The following RBPMS variants were observed in gnomAD, a reference collection of about 807,000 sequenced individuals.
RBPMS encodes the protein RNA binding protein, mRNA processing factor.
A neutral mutation model predicts 26.8 loss-of-function variants in RBPMS; 7 were observed. The observed-to-expected ratio is 0.26, with a 90% CI of 0.15 to 0.49. The LOEUF is 0.49. Among genes scored for constraint, RBPMS ranks in the 20% least tolerant of loss-of-function variants. The pLI is 0.98. For missense variants in RBPMS, 186 were observed against 250.0 expected, an observed-to-expected ratio of 0.74 and a Z score of 1.73; for synonymous variants, 96 against 93.3, an observed-to-expected ratio of 1.03 and a Z score of -0.17.
At chr8:30,453,832 TG>T (rs1321535248) in intron 1 of RBPMS, 1 of 152,212 alleles carries the variant, frequency 6.6e-6, no homozygotes, top group African/African-American at 2.4e-5. Flanking sequence ...GTTATTTGTA[TG>T]TTTTTTTAAA....
At chr8:30,408,714 C>T (rs985814940) in intron 1 of RBPMS, among the ~76,000 whole-genome samples, 5 of 152,160 alleles carry the variant, frequency 3.3e-5, no homozygotes, top group African/African-American at 1.2e-4. Flanking sequence ...AACTCTCTCA[C>T]CTCTTAAAAT....
intron 1 of RBPMS, among the ~76,000 whole-genome samples, chr8:30,430,930 T>C (rs1235344671): frequency 6.6e-6 from 1 of 152,202 alleles, no homozygotes; most frequent in African/African-American, 2.4e-5. Context: ...GGCCTTCTTA[T>C]TTGGTGAGGT....
chr8:30,558,625 A>T (rs973321487), intron 6 of RBPMS: 20 of 570,578 alleles, frequency 3.5e-5, no homozygotes, highest in African/African-American at 2.6e-4. Context: ...ATGAGAGCAG[A>T]GGAGTTGGTG....
intron 1 of RBPMS, among the ~76,000 whole-genome samples, chr8:30,455,674 G>C (rs891113158): frequency 6.6e-6 from 1 of 152,130 alleles, no homozygotes; most frequent in African/African-American, 2.4e-5. Flanking sequence ...TGGATCACGA[G>C]GTCAGGAGAT....
At position 30,571,280 on chromosome 8, in the gene RBPMS, TAGAA is replaced by T. The variant is rs1205257043; in HGVS notation, c.*758_*761del. The T allele has an allele frequency of 1.3e-5, 2 of 152,234 alleles. No homozygotes were observed. The highest frequency in any genetic ancestry group is 1.9e-4 in the East Asian group (1 of 5,198). The allele number at this position is 152,234 out of a possible 1,614,324, so 9.4% of individuals were successfully genotyped here. Reference sequence around the variant, plus strand: ...TGGTAAGAACTGCTGAGTGTGCCCTTAGAAAGCCCTAGTAGCTCCAGCTGTGACT... The same window carrying T: ...TGGTAAGAACTGCTGAGTGTGCCCTTAGCCCTAGTAGCTCCAGCTGTGACT... On this transcript the variant is annotated 3_prime_UTR_variant, in exon 9 of 9. Transcript: ENST00000397323.
intron 5 of RBPMS, among the ~76,000 whole-genome samples, chr8:30,530,265 C>A (rs550578945): frequency 6.2e-4 from 94 of 152,280 alleles, no homozygotes; most frequent in Non-Finnish European, 1.1e-3. Flanking sequence ...GGCATCACAC[C>A]ATGTTGCAGA....
chr8:30,520,257 C>A (rs1424618452), intron 5 of RBPMS, among the ~76,000 whole-genome samples: 1 of 152,176 alleles, frequency 6.6e-6, no homozygotes, highest in Non-Finnish European at 1.5e-5. Context: ...ATGCTTAATT[C>A]TTTTCCTTTC....
intron 1 of RBPMS, among the ~76,000 whole-genome samples, chr8:30,413,326 C>T (rs551828466): frequency 2.0e-5 from 3 of 152,286 alleles, no homozygotes; most frequent in African/African-American, 7.2e-5. Context: ...CCACCTTGGC[C>T]TCCCAAAGTT....
At chr8:30,457,457 A>G (rs1413822295) in intron 1 of RBPMS, among the ~76,000 whole-genome samples, 2 of 152,142 alleles carry the variant, frequency 1.3e-5, no homozygotes, top group African/African-American at 2.4e-5. Context: ...GTTTAGTGAT[A>G]TGCAATTTGT....
At chr8:30,429,725 G>A (rs1811725712) in intron 1 of RBPMS, among the ~76,000 whole-genome samples, 1 of 152,024 alleles carries the variant, frequency 6.6e-6, no homozygotes, top group South Asian at 2.1e-4. Context: ...TTCTAAGATA[G>A]CAGCCCAATA....
chr8:30,479,625 T>A (rs1818065362), intron 4 of RBPMS, among the ~76,000 whole-genome samples: 1 of 152,240 alleles, frequency 6.6e-6, no homozygotes, highest in Non-Finnish European at 1.5e-5. Context: ...CATCTGATGA[T>A]GTGGGTCTTA....
intron 7 of RBPMS, chr8:30,565,108 G>A (rs1827793621): frequency 6.6e-6 from 1 of 152,242 alleles, no homozygotes; most frequent in South Asian, 2.1e-4. Flanking sequence ...TAGGTTTCAT[G>A]TGCAAAGATG....
At position 30,496,389 on chromosome 8, in the gene RBPMS, C is replaced by G. The variant is rs564013483; in HGVS notation, c.247-7897C>G. On this transcript the variant is annotated intron_variant, in intron 4 of 8. Coordinates refer to ENST00000397323, the MANE Select transcript of RBPMS (RefSeq NM_001008710.3). The stretch of plus-strand genomic sequence containing the variant: ...TTCACCGTGTTAGCCAGGGTGGTCT[C>G]GATCTCCCAACCTCGTGATCTGCCC... 2.6e-5 allele frequency among the ~76,000 whole-genome samples: 4 copies of G among 152,128 alleles called. No homozygotes were observed. The South Asian group carries it at 6.2e-4, about 24-fold the overall frequency.
chr8:30,468,717 C>A (rs1382585554), intron 1 of RBPMS, among the ~76,000 whole-genome samples: 1 of 152,132 alleles, frequency 6.6e-6, no homozygotes, highest in East Asian at 1.9e-4. Flanking sequence ...CTCTAAAATG[C>A]CCATAGAAAG....
chr8:30,464,018 G>C (rs1471934093), intron 1 of RBPMS, among the ~76,000 whole-genome samples: 1 of 152,140 alleles, frequency 6.6e-6, no homozygotes, highest in African/African-American at 2.4e-5. Flanking sequence ...AGCCAGGCCC[G>C]CTGTGAATAC....
chr8:30,430,209 C>A (rs1423770081), intron 1 of RBPMS, among the ~76,000 whole-genome samples: 2 of 150,862 alleles, frequency 1.3e-5, no homozygotes, highest in African/African-American at 4.9e-5. Context: ...TAGAGTGATA[C>A]CCTGTCTTAA....
At chr8:30,441,107 C>A (rs1341070893) in intron 1 of RBPMS, among the ~76,000 whole-genome samples, 1 of 152,094 alleles carries the variant, frequency 6.6e-6, no homozygotes, top group Non-Finnish European at 1.5e-5. Context: ...AGTGAGCTAC[C>A]CTGCCTGGAC....
rs796809216 is a variant in RBPMS at position 30,549,750 on chromosome 8, CCTTTT to C, written c.528+5145_528+5149del. Among the ~76,000 whole-genome samples, 290 of 76,208 alleles carry C rather than the reference CCTTTT, an allele frequency of 3.8e-3. 1 individual carries two copies. Among genetic ancestry groups the C allele is most frequent in the Non-Finnish European group, 5.8e-3 (198 of 34,038 alleles). 50.0% of individuals were successfully genotyped at this position (76,208 alleles called of 152,430 possible). A position where few individuals can be genotyped will look rare whatever the true frequency, so the allele number is the denominator to read the frequency against. ...GATTTCTTTCTTTCTTTCTTTCTTT[CCTTTT>C]CTTTTCTTTTCTTTTCTTCTCTCTC... is the stretch of plus-strand genomic sequence containing the variant. On this transcript the variant is annotated intron_variant, in intron 6 of 8. Transcript: ENST00000397323.
chr8:30,503,426 T>A (rs568461186), intron 4 of RBPMS, among the ~76,000 whole-genome samples: 17 of 152,070 alleles, frequency 1.1e-4, no homozygotes, highest in African/African-American at 3.9e-4. Context: ...TAATTTTTTT[T>A]TTTTTGTATT....
Sources: allele counts gnomAD v4.1 joint callset (sites outside exome capture counted in the v4.1 genomes callset), GRCh38; gene constraint gnomAD v4.1.1; transcripts MANE v1.5; gene names NCBI Gene and HGNC (gene_info 2026-07-23, HGNC 2026-07-21).